CEP170B: variants seen among roughly 807,000 people sequenced by gnomAD.
The protein encoded by CEP170B is centrosomal protein of 170 kDa protein B.
CEP170B carries 55 observed loss-of-function variants against 120.6 expected under a neutral mutation model. That is an observed-to-expected ratio of 0.46 (90% CI 0.37 to 0.57). The LOEUF (loss-of-function observed/expected upper bound fraction) is 0.57. Among genes scored for constraint, CEP170B ranks in the 20% least tolerant of loss-of-function variants. The probability of loss-of-function intolerance (pLI) is 0.00; values close to 1 mark genes in which losing one functional copy is unlikely to be tolerated. For missense variants in CEP170B, 2,212 were observed against 2,253.3 expected, an observed-to-expected ratio of 0.98 and a Z score of 0.37; for synonymous variants, 1,033 against 954.5, an observed-to-expected ratio of 1.08 and a Z score of -1.52.
rs777136492 is a variant in CEP170B at position 104,893,706 on chromosome 14, G to A, written c.4182+40G>A. ...ACCGCCACGGAGCTGGGTGTGGGGG[G>A]AGCAGGGGCGGGGCTCCTCGAGGGC... On this transcript the variant is annotated intron_variant, in intron 15 of 18. Transcript: ENST00000414716. The A allele has an allele frequency of 1.9e-6, 3 of 1,585,460 alleles. No individual in the cohort carries two copies. In the South Asian group the frequency reaches 3.4e-5, roughly 18 times the overall value.
At position 104,878,546 on chromosome 14, in the gene CEP170B, C is replaced by T. The variant is rs548710255; in HGVS notation, c.333+45C>T. On this transcript the variant is annotated intron_variant, in intron 5 of 18. Coordinates refer to ENST00000414716, the MANE Select transcript of CEP170B (RefSeq NM_001112726.3). ...GGGTGGCTCAGCCACGAGGGCTCAG[C>T]CCCCCATCCTCCCCACCATGCTCCC... The T allele has an allele frequency of 2.9e-5, 46 of 1,580,872 alleles. No homozygotes were observed. In the Admixed American group the frequency reaches 4.5e-4, roughly 16 times the overall value.
At chr14:104,873,639 C>T (rs973138961) in intron 2 of CEP170B, among the ~76,000 whole-genome samples, 2 of 151,972 alleles carry the variant, frequency 1.3e-5, no homozygotes, top group Non-Finnish European at 2.9e-5. Context: ...GCTCTCGAGG[C>T]CCAGCGGGTC....
At chr14:104,890,796 G>A (rs1896808306) in intron 13 of CEP170B, among the ~76,000 whole-genome samples, 1 of 142,648 alleles carries the variant, frequency 7.0e-6, no homozygotes, top group African/African-American at 2.6e-5. Flanking sequence ...TGGATGGATG[G>A]ATGGATGGAT....
At position 104,880,276 on chromosome 14, in the gene CEP170B, C is replaced by A; in HGVS notation, c.334-11C>A. Reference sequence around the variant, plus strand: ...GGGCCCAGTACCTCACCCCGCCTGGCCTGCCCACAGCATGAAAAGTACACC... The same window carrying A: ...GGGCCCAGTACCTCACCCCGCCTGGACTGCCCACAGCATGAAAAGTACACC... On this transcript the variant is annotated splice_polypyrimidine_tract_variant and intron_variant, in intron 5 of 18. Transcript: ENST00000414716. 1 of 1,585,506 alleles carries A rather than the reference C, an allele frequency of 6.3e-7. No individual in the cohort carries two copies.
chr14:104,884,138 G>C lies in CEP170B; in HGVS notation c.1359G>C (p.Gln453His), dbSNP rs568196034. The stretch of plus-strand genomic sequence containing the variant: ...GCCCCAGTGTCCCAGCCCCAGTCCA[G>C]GCAGGGGGCCGCAGCTCGGGGCCAC... The part of the protein sequence containing the change: ...RDRPSVPAPV[Q>H]AGGRSSGPQR... The change falls in exon 9 of 19, where the codon CAG (glutamine) becomes CAC (histidine). Residue 453 changes from glutamine to histidine, a missense_variant. This residue lies in a region of CEP170B where 2,166 missense variants were observed against 2,166.7 expected (regional missense o/e 1.00). Coordinates refer to ENST00000414716, the MANE Select transcript of CEP170B (RefSeq NM_001112726.3). 1.1e-5 allele frequency: 17 copies of C among 1,561,422 alleles called. No homozygotes were observed. Among genetic ancestry groups the C allele is most frequent in the South Asian group, 7.0e-5 (6 of 85,488 alleles).
intron 5 of CEP170B, 47 bp from the exon 6 acceptor site, chr14:104,880,240 C>T: frequency 6.4e-7 from 1 of 1,555,080 alleles, no homozygotes; most frequent in South Asian, 1.2e-5. Flanking sequence ...TGGTGGGTTC[C>T]TCCTGAGGCT....
At chr14:104,885,337 C>G in intron 9 of CEP170B, 32 bp from the exon 10 acceptor site, 1 of 1,522,812 alleles carries the variant, frequency 6.6e-7, no homozygotes, top group Non-Finnish European at 8.8e-7. Context: ...CTTCTCTGAC[C>G]CTCGGTGCCT....
rs190671864 is a variant in CEP170B at position 104,880,396 on chromosome 14, C to T, written c.443C>T (p.Pro148Leu). 113 of 1,612,598 alleles carry T rather than the reference C, an allele frequency of 7.0e-5. No homozygotes were observed. Among genetic ancestry groups the T allele is most frequent in the African/African-American group, 5.5e-4 (41 of 74,968 alleles). Residue 148 changes from proline (P) to leucine (L), a missense_variant, in exon 6 of 19, where the codon CCG becomes CTG. Pro to Leu is a moderately conservative substitution (Grantham distance 98, BLOSUM62 -3). Around this residue, in one of 2 missense-constraint regions of CEP170B, gnomAD observed 2,166 missense variants for 2,166.7 expected, o/e 1.00. Coordinates refer to ENST00000414716, the MANE Select transcript of CEP170B (RefSeq NM_001112726.3). Reference protein sequence around the residue: ...TPYCEASNPRPEKGDRRPGTE... With the variant: ...TPYCEASNPRLEKGDRRPGTE... ...TACTGCGAGGCCTCGAACCCCAGGC[C>T]GGAGAAGGGGGACCGGAGACCAGGA...
chr14:104,874,986 C>T (rs1266056443), intron 2 of CEP170B, among the ~76,000 whole-genome samples: 15 of 152,246 alleles, frequency 9.9e-5, no homozygotes, highest in Admixed American at 9.8e-4. Flanking sequence ...GATCTCCTCT[C>T]TGAGTTAGGA....
chr14:104,890,569 G>T (rs1896784296), intron 13 of CEP170B, among the ~76,000 whole-genome samples: 1 of 143,700 alleles, frequency 7.0e-6, no homozygotes. Context: ...TGGGTGGGTG[G>T]ATGGATGGAT....
rs72635202 is a variant in CEP170B, at chr14:104,865,664, G to A, written c.-28+151G>A. ...CCGCCCGGCGCACCTGGTCAGGCGG[G>A]TCCCCGCCGCCGCGGAGGCGGCCCT... is the stretch of plus-strand genomic sequence containing the variant. On this transcript the variant is annotated intron_variant, in intron 1 of 18. Coordinates refer to ENST00000414716, the MANE Select transcript of CEP170B (RefSeq NM_001112726.3). The surrounding 1 kb of genome is among the most constrained non-coding windows in gnomAD (Gnocchi z 6.7). Among the ~76,000 whole-genome samples the A allele has an allele frequency of 0.23, 34,172 of 151,346 alleles. 4,810 individuals are homozygous for A. The highest frequency in any genetic ancestry group is 0.32 in the Non-Finnish European group (21,456 of 67,692).
intron 2 of CEP170B, among the ~76,000 whole-genome samples, chr14:104,871,923 G>A (rs2140629136): frequency 6.6e-6 from 1 of 152,364 alleles, no homozygotes. Context: ...CCACCCACGT[G>A]CTGTCCCACG....
chr14:104,880,561 CACCT>C, intron 6 of CEP170B, 136 bp downstream of exon 6: 1 of 1,316,134 alleles, frequency 7.6e-7, no homozygotes. Flanking sequence ...CCTTTGCACA[CACCT>C]ACCCTTGCAC....
intron 4 of CEP170B, 152 bp downstream of exon 4, chr14:104,878,115 A>T (rs1280623409): frequency 1.5e-6 from 1 of 679,236 alleles, no homozygotes; most frequent in Non-Finnish European, 2.5e-6. Flanking sequence ...CCACCTGCTG[A>T]TGGAGCACCC....
intron 13 of CEP170B, among the ~76,000 whole-genome samples, chr14:104,890,341 AGTGTGTGGATGG>A (rs1896757789): frequency 3.3e-5 from 1 of 30,204 alleles, no homozygotes; most frequent in African/African-American, 1.4e-4. Flanking sequence ...TGGATGGATG[AGTGTGTGGATGG>A]ATGGATGGAT....
Position 104,868,390 on chromosome 14 carries a change from G to T in CEP170B, c.-27-34G>T. On this transcript the variant is annotated intron_variant, in intron 1 of 18. Coordinates refer to ENST00000414716, the MANE Select transcript of CEP170B (RefSeq NM_001112726.3). This position sits in a 1 kb window ranked among gnomAD's most constrained non-coding sequence, Gnocchi z 5.9. ...GTCCAGGGGGCTAAGAACCAGGCCA[G>T]GGAGCCCCACTCTAACAATCCCCTC... The T allele has an allele frequency of 2.1e-6, 3 of 1,455,926 alleles. No individual in the cohort carries two copies. The highest frequency in any genetic ancestry group is 2.5e-5 in the South Asian group (2 of 81,204). 90.2% of individuals were successfully genotyped at this position (1,455,926 alleles called of 1,614,324 possible).
intron 12 of CEP170B, among the ~76,000 whole-genome samples, chr14:104,889,327 G>A: frequency 6.7e-6 from 1 of 149,104 alleles, no homozygotes; most frequent in East Asian, 1.9e-4. Flanking sequence ...GCTGGTGGGG[G>A]CCTTGTGGTC....
chr14:104,889,949 GATGA>G lies in CEP170B; in HGVS notation c.3878+195_3878+198del, dbSNP rs1483617480. Among the ~76,000 whole-genome samples the G allele has an allele frequency of 3.6e-3, 204 of 57,110 alleles. 2 individuals carry two copies. Among genetic ancestry groups the G allele is most frequent in the African/African-American group, 0.012 (161 of 13,574 alleles). The allele number at this position is 57,110 out of a possible 152,430, so 37.5% of individuals were successfully genotyped here. On this transcript the variant is annotated intron_variant, in intron 13 of 18. Transcript: ENST00000414716. The stretch of plus-strand genomic sequence containing the variant: ...GGATGGATGGATGGATGGATGGATG[GATGA>G]ATGGATGGATGGATAGGAGGGTGGG...
Position 104,893,211 on chromosome 14 carries a change from T to C in CEP170B, c.4038+76T>C, listed in dbSNP as rs569983971. The C allele has an allele frequency of 6.7e-5, 98 of 1,473,130 alleles. No individual in the cohort carries two copies. The African/African-American group carries it at 1.2e-3, about 18-fold the overall frequency. The allele number at this position is 1,473,130 out of a possible 1,614,324, so 91.3% of individuals were successfully genotyped here. ...GGTCAGGCCAGGTCCCCACAGCCCT[T>C]TGCATGCCTCGGCTGAGGCCCTGCT... is the stretch of plus-strand genomic sequence containing the variant. On this transcript the variant is annotated intron_variant, in intron 14 of 18. Transcript: ENST00000414716.
Sources: gnomAD v4.1 joint callset for allele counts (sites outside exome capture counted in the v4.1 genomes callset) on GRCh38, gnomAD v4.1.1 for gene constraint, gnomAD v4.1.1 regional missense constraint, Gnocchi (gnomAD v3.1) non-coding constraint, MANE v1.5 for transcripts, NCBI Gene and HGNC (gene_info 2026-07-23, HGNC 2026-07-21) for gene names.